ARFGEF1: variants seen among roughly 807,000 people sequenced by gnomAD.
The protein encoded by ARFGEF1 is ARF guanine nucleotide exchange factor 1.
A neutral mutation model predicts 231.0 loss-of-function variants in ARFGEF1; 42 were observed. That is an observed-to-expected ratio of 0.18 (90% CI 0.14 to 0.24). The LOEUF is 0.24. Ranked by LOEUF, ARFGEF1 falls within the 10% of genes least tolerant of loss-of-function variation. The probability of loss-of-function intolerance (pLI) is 1.00; values close to 1 mark genes in which losing one functional copy is unlikely to be tolerated. For missense variants in ARFGEF1, 1,345 were observed against 2,192.0 expected, an observed-to-expected ratio of 0.61 and a Z score of 7.72; for synonymous variants, 710 against 732.3, an observed-to-expected ratio of 0.97 and a Z score of 0.49.
In ARFGEF1 at chr8:67,198,473, ACCATAGT is replaced by A; in HGVS notation, c.*454_*460del. The A allele has an allele frequency of 3.0e-6, 3 of 988,954 alleles. No individual in the cohort carries two copies. Among genetic ancestry groups the A allele is most frequent in the Non-Finnish European group, 3.6e-6 (3 of 832,270 alleles). The allele number at this position is 988,954 out of a possible 1,614,324, so 61.3% of individuals were successfully genotyped here. On this transcript the variant is annotated 3_prime_UTR_variant, in exon 39 of 39. Coordinates refer to ENST00000262215, the MANE Select transcript of ARFGEF1 (RefSeq NM_006421.5). ...GTGCAAAAATCTTCAGAATAAGAAT[ACCATAGT>A]TGCTAAATATCTTTTACCATGAACA...
At position 67,266,161 on chromosome 8, in the gene ARFGEF1, A is replaced by G. The variant is rs778480573; in HGVS notation, c.1968T>C (p.Pro656=). 3 of 1,613,674 alleles carry G rather than the reference A, an allele frequency of 1.9e-6. No homozygotes were observed. Among genetic ancestry groups the G allele is most frequent in the South Asian group, 1.1e-5 (1 of 91,044 alleles). ...AACTTCCGTATCTGTTTATTGTCTC[A>G]GGGTGTTTGATTTCACTCATCTCTT... ...SEQEMSEIKH[P]ETINRYGSLN... The change falls in exon 14 of 39, where the codon CCT becomes CCC. Residue 656 remains proline (P), a synonymous_variant. Coordinates refer to ENST00000262215, the MANE Select transcript of ARFGEF1 (RefSeq NM_006421.5).
chr8:67,312,682 A>G (rs1807128909), intron 1 of ARFGEF1, among the ~76,000 whole-genome samples: 1 of 152,248 alleles, frequency 6.6e-6, no homozygotes, highest in Non-Finnish European at 1.5e-5. Context: ...CGAGTTTTAA[A>G]AATTGTTACA....
chr8:67,185,985 T>C (rs551905088), intron 5 of ARFGEF1, among the ~76,000 whole-genome samples: 17 of 152,306 alleles, frequency 1.1e-4, no homozygotes, highest in Admixed American at 1.0e-3. Flanking sequence ...CAAGCAAGTA[T>C]AGGAAAAGGT....
chr8:67,322,129 G>A (rs1457050764), intron 1 of ARFGEF1, among the ~76,000 whole-genome samples: 1 of 152,134 alleles, frequency 6.6e-6, no homozygotes, highest in Non-Finnish European at 1.5e-5. Flanking sequence ...TACCTTTCAA[G>A]GTTGCCTCAG....
chr8:67,322,258 T>C (rs1321219598), intron 1 of ARFGEF1, among the ~76,000 whole-genome samples: 1 of 152,238 alleles, frequency 6.6e-6, no homozygotes, highest in African/African-American at 2.4e-5. Context: ...CTTAAGTCTC[T>C]TAAAATGCCA....
At chr8:67,213,364 T>A (rs547133731) in intron 33 of ARFGEF1, among the ~76,000 whole-genome samples, 20 of 152,316 alleles carry the variant, frequency 1.3e-4, no homozygotes, top group Admixed American at 1.2e-3. Context: ...TTTTTGATTG[T>A]TAGGGATAAG....
intron 19 of ARFGEF1, among the ~76,000 whole-genome samples, chr8:67,242,385 G>A (rs1184876863): frequency 6.6e-6 from 1 of 152,214 alleles, no homozygotes; most frequent in Admixed American, 6.5e-5. Context: ...CAGCAGGACA[G>A]GGCACCAGGC....
chr8:67,258,093 G>A lies in ARFGEF1; in HGVS notation c.2433C>T (p.Cys811=). The A allele has an allele frequency of 6.2e-7, 1 of 1,611,870 alleles. No homozygotes were observed. The highest frequency in any genetic ancestry group is 8.5e-7 in the Non-Finnish European group (1 of 1,178,050). Residue 811 remains cysteine (C), a synonymous_variant, in exon 16 of 39, where the codon TGC becomes TGT. Transcript: ENST00000262215. The stretch of plus-strand genomic sequence containing the variant: ...ATTTGAACCTTATTTACCCTTGGTT[G>A]CATTCTAGGTATCTTGCAGCAAATT... ...MEKFAARYLE[C]NQGQTLFASA... is the part of the protein sequence containing the mutation.
At chr8:67,216,245 G>A (rs1563841758) in intron 33 of ARFGEF1, among the ~76,000 whole-genome samples, 1 of 152,096 alleles carries the variant, frequency 6.6e-6, no homozygotes, top group Non-Finnish European at 1.5e-5. Context: ...AGTATCAAGA[G>A]GTAGAGATTT....
intron 38 of ARFGEF1, chr8:67,200,172 C>A (rs992955765): frequency 1.7e-6 from 1 of 574,744 alleles, no homozygotes; most frequent in Non-Finnish European, 3.3e-6. Flanking sequence ...CCTACTGAAT[C>A]CCCTAGAGAA....
chr8:67,225,041 A>G lies in ARFGEF1; in HGVS notation c.4078-8T>C. The G allele has an allele frequency of 6.3e-7, 1 of 1,585,370 alleles. No homozygotes were observed. The highest frequency in any genetic ancestry group is 8.6e-7 in the Non-Finnish European group (1 of 1,168,302). Reference sequence around the variant, plus strand: ...TGTGTATTCCTTGAAAGCCTTCAAGAAAAAAGGTAGGGTTATTAAAGGCAA... The same window carrying G: ...TGTGTATTCCTTGAAAGCCTTCAAGGAAAAAGGTAGGGTTATTAAAGGCAA... On this transcript the variant is annotated splice_polypyrimidine_tract_variant and splice_region_variant and intron_variant, in intron 28 of 38. Transcript: ENST00000262215.
rs1473171867 is a variant in ARFGEF1, at chr8:67,181,337, CA to C, written c.561-5766del. 1.4e-3 allele frequency among the ~76,000 whole-genome samples: 194 copies of C among 141,068 alleles called. 1 individual carries two copies. Among genetic ancestry groups the C allele is most frequent in the African/African-American group, 5.3e-3 (186 of 35,310 alleles). The allele number at this position is 141,068 out of a possible 152,430, so 92.5% of individuals were successfully genotyped here. ...ACAGGCATGAGCCACTGTACCTGGC[CA>C]TTTTTTTTTTTTTTTTTTTTTTTAA... is the stretch of plus-strand genomic sequence containing the variant. On this transcript the variant is annotated intron_variant, in intron 5 of 5. Coordinates refer to the ARFGEF1 transcript ENST00000518789.
At chr8:67,270,950 G>A (rs1325509293) in intron 10 of ARFGEF1, among the ~76,000 whole-genome samples, 1 of 146,138 alleles carries the variant, frequency 6.8e-6, no homozygotes, top group Non-Finnish European at 1.5e-5. Context: ...CTTGAACCCA[G>A]CAGGCGGAGG....
At position 67,343,602 on chromosome 8, in the gene ARFGEF1, G is replaced by C; in HGVS notation, c.-315C>G. The C allele has an allele frequency of 4.7e-6, 5 of 1,057,176 alleles. No individual in the cohort carries two copies. Among genetic ancestry groups the C allele is most frequent in the Non-Finnish European group, 5.7e-6 (5 of 876,996 alleles). The allele number at this position is 1,057,176 out of a possible 1,614,324, so 65.5% of individuals were successfully genotyped here. ...CACTCGTCCCTCCGGCCCTGGTGGC[G>C]GTGAGGGAGCCCGGCCCGGGCGGCT... On this transcript the variant is annotated 5_prime_UTR_variant, in exon 1 of 39. Coordinates refer to ENST00000262215, the MANE Select transcript of ARFGEF1 (RefSeq NM_006421.5).
At chr8:67,316,875 T>C (rs1024927427) in intron 1 of ARFGEF1, among the ~76,000 whole-genome samples, 3 of 152,164 alleles carry the variant, frequency 2.0e-5, no homozygotes, top group African/African-American at 7.2e-5. Flanking sequence ...ATGAACCCCT[T>C]GGACAGTTTC....
At chr8:67,206,736 A>T (rs1838536215) in intron 34 of ARFGEF1, among the ~76,000 whole-genome samples, 1 of 152,196 alleles carries the variant, frequency 6.6e-6, no homozygotes, top group South Asian at 2.1e-4. Context: ...CCACGCCTCC[A>T]TCTCAGATTC....
chr8:67,302,285 G>A (rs1292136784), intron 2 of ARFGEF1, 151 bp downstream of exon 2: 3 of 400,532 alleles, frequency 7.5e-6, no homozygotes, highest in East Asian at 8.0e-5. Flanking sequence ...TTATATAATT[G>A]TATTTCTTAA....
chr8:67,272,770 A>AT (rs201781948), intron 9 of ARFGEF1, among the ~76,000 whole-genome samples: 2,479 of 151,928 alleles, frequency 0.016, 71 homozygotes, highest in African/African-American at 0.057. Context: ...CCATTTAAAG[A>AT]TTTTTTTTTC....
intron 19 of ARFGEF1, 30 bp downstream of exon 19, chr8:67,251,269 T>A: frequency 1.9e-6 from 3 of 1,562,382 alleles, no homozygotes; most frequent in Middle Eastern, 1.7e-4. Flanking sequence ...AAATGTACAC[T>A]GCAATCAAAC....
Sources: gnomAD v4.1 joint callset for allele counts (sites outside exome capture counted in the v4.1 genomes callset) on GRCh38, gnomAD v4.1.1 for gene constraint, MANE v1.5 for transcripts, NCBI Gene and HGNC (gene_info 2026-07-23, HGNC 2026-07-21) for gene names.